Variants in DYNAP observed in about 807,000 individuals in gnomAD.
The protein encoded by DYNAP is dynactin-associated protein.
Under a neutral mutation model 8.5 loss-of-function variants are expected in DYNAP, and 7 were observed. The observed-to-expected ratio is 0.82, with a 90% CI of 0.47 to 1.54. The LOEUF (loss-of-function observed/expected upper bound fraction) is 1.54. Among genes scored for constraint, DYNAP ranks in the 40% most tolerant of loss-of-function variants. The pLI is 0.01. For missense variants in DYNAP, 256 were observed against 224.3 expected, an observed-to-expected ratio of 1.14 and a Z score of -0.90; for synonymous variants, 77 against 77.9, an observed-to-expected ratio of 0.99 and a Z score of 0.06.
At chr18:54,579,091 G>A in the DYNAP span, among the ~76,000 whole-genome samples, 57 of 152,226 alleles carry the variant, frequency 3.7e-4, no homozygotes, top group Non-Finnish European at 6.6e-4. Context: ...GAGCCACCGC[G>A]CCCGGCCAGA....
chr18:54,578,501 G>T, the DYNAP span, among the ~76,000 whole-genome samples: 1 of 152,144 alleles, frequency 6.6e-6, no homozygotes, highest in Non-Finnish European at 1.5e-5. Context: ...AATATAAAGA[G>T]CAATCACTGA....
At chr18:54,594,691 A>T (rs533506718) in intron 1 of DYNAP, among the ~76,000 whole-genome samples, 1 of 152,256 alleles carries the variant, frequency 6.6e-6, no homozygotes, top group African/African-American at 2.4e-5. Context: ...AGGATATTCG[A>T]TCCATTTATG....
chr18:54,579,264 G>A, the DYNAP span, among the ~76,000 whole-genome samples: 1 of 152,172 alleles, frequency 6.6e-6, no homozygotes, highest in East Asian at 1.9e-4. Context: ...ATAATATGCA[G>A]TTAAAACCAC....
intron 2 of DYNAP, among the ~76,000 whole-genome samples, chr18:54,596,323 T>C (rs1237565205): frequency 6.6e-6 from 1 of 152,088 alleles, no homozygotes; most frequent in Non-Finnish European, 1.5e-5. Flanking sequence ...TCCACCCGCT[T>C]CAGCCTCCCC....
upstream of DYNAP, chr18:54,591,176 T>G: frequency 1.2e-6 from 2 of 1,601,842 alleles, no homozygotes; most frequent in Non-Finnish European, 1.7e-6. Context: ...TGCATCATAG[T>G]TGACTTCCAC....
upstream of DYNAP, among the ~76,000 whole-genome samples, chr18:54,590,140 G>A (rs1347096079): frequency 6.6e-6 from 1 of 152,028 alleles, no homozygotes; most frequent in East Asian, 1.9e-4. Flanking sequence ...AACTGAAATT[G>A]TGTATTCATT....
chr18:54,576,484 A>ACC, the DYNAP span, among the ~76,000 whole-genome samples: 1 of 152,110 alleles, frequency 6.6e-6, no homozygotes, highest in East Asian at 1.9e-4. Flanking sequence ...ATGAGTGCTA[A>ACC]TGACATAAGC....
At chr18:54,586,029 G>A (rs140101705), upstream of DYNAP, among the ~76,000 whole-genome samples, 121 of 152,246 alleles carry the variant, frequency 7.9e-4, no homozygotes, top group African/African-American at 2.8e-3. Context: ...CCCCAATCTC[G>A]GGTCCAGATC....
chr18:54,590,435 C>T (rs532782360), upstream of DYNAP, among the ~76,000 whole-genome samples: 1 of 152,098 alleles, frequency 6.6e-6, no homozygotes. Flanking sequence ...GAGGGTAAAA[C>T]TTACAAGCTG....
At chr18:54,577,151 CTAAATCTCCTT>C in the DYNAP span, among the ~76,000 whole-genome samples, 1 of 152,086 alleles carries the variant, frequency 6.6e-6, no homozygotes, top group Non-Finnish European at 1.5e-5. Flanking sequence ...AAATGCTTGC[CTAAATCTCCTT>C]TAACTATCAC....
upstream of DYNAP, among the ~76,000 whole-genome samples, chr18:54,590,971 A>G (rs1911045881): frequency 6.6e-6 from 1 of 152,192 alleles, no homozygotes; most frequent in Admixed American, 6.6e-5. Flanking sequence ...ATAAAAGGTG[A>G]GTTCCTGAAT....
At chr18:54,576,830 AACAACAAC>A in the DYNAP span, among the ~76,000 whole-genome samples, 1 of 151,750 alleles carries the variant, frequency 6.6e-6, no homozygotes, top group Non-Finnish European at 1.5e-5. Flanking sequence ...CAACAACAAC[AACAACAAC>A]ACCAAAAAAA....
intron 1 of DYNAP, among the ~76,000 whole-genome samples, chr18:54,592,787 G>T (rs926167099): frequency 2.0e-5 from 3 of 152,094 alleles, no homozygotes; most frequent in Admixed American, 2.0e-4. Context: ...TACTTAGGCT[G>T]CAAACTGGGC....
intron 1 of DYNAP, among the ~76,000 whole-genome samples, chr18:54,593,228 A>G (rs1471168761): frequency 6.6e-6 from 1 of 152,128 alleles, no homozygotes; most frequent in Non-Finnish European, 1.5e-5. Flanking sequence ...TTTAATAATA[A>G]TTCCTAATGG....
At chr18:54,588,239 C>T (rs1273565331), upstream of DYNAP, among the ~76,000 whole-genome samples, 2 of 146,466 alleles carry the variant, frequency 1.4e-5, no homozygotes, top group East Asian at 4.0e-4. Context: ...CGGAGTCTTG[C>T]TCTGTCACCC....
At chr18:54,593,509 G>A (rs1007152949) in intron 1 of DYNAP, among the ~76,000 whole-genome samples, 1 of 152,164 alleles carries the variant, frequency 6.6e-6, no homozygotes, top group African/African-American at 2.4e-5. Context: ...GGTAATTTTA[G>A]TATTCTCCTT....
upstream of DYNAP, among the ~76,000 whole-genome samples, chr18:54,590,394 A>C (rs951403476): frequency 6.6e-6 from 1 of 152,166 alleles, no homozygotes; most frequent in Non-Finnish European, 1.5e-5. Flanking sequence ...ATTCCTTGAC[A>C]GCTTTCCATG....
chr18:54,590,804 C>T (rs1446602797), upstream of DYNAP, among the ~76,000 whole-genome samples: 3 of 152,142 alleles, frequency 2.0e-5, no homozygotes, highest in Non-Finnish European at 2.9e-5. Flanking sequence ...AAGAGACTTC[C>T]AGACACCAAC....
the DYNAP span, among the ~76,000 whole-genome samples, chr18:54,578,222 T>C: frequency 6.6e-6 from 1 of 152,116 alleles, no homozygotes; most frequent in Non-Finnish European, 1.5e-5. Context: ...ATGATGTCTA[T>C]GGGATGATAG....
Sources: gnomAD v4.1 joint callset for allele counts (sites outside exome capture counted in the v4.1 genomes callset) on GRCh38, gnomAD v4.1.1 for gene constraint, MANE v1.5 for transcripts, NCBI Gene and HGNC (gene_info 2026-07-23, HGNC 2026-07-21) for gene names.